NLRP2: variants seen among roughly 807,000 people sequenced by gnomAD.
NLRP2 encodes the protein NLR family pyrin domain containing 2, also known as NACHT, LRR and PYD domains-containing protein 2.
A neutral mutation model predicts 97.2 loss-of-function variants in NLRP2; 107 were observed. That is an observed-to-expected ratio of 1.10 (90% CI 0.94 to 1.29). The LOEUF is 1.29. Among genes scored for constraint, NLRP2 ranks in the 50% most tolerant of loss-of-function variants. The pLI, the probability that NLRP2 is intolerant of heterozygous loss-of-function variation, is 0.00. For missense variants in NLRP2, 1,495 were observed against 1,330.3 expected (o/e 1.12, Z -1.93); for synonymous variants, 663 against 551.5 (o/e 1.20, Z -2.83).
Position 54,982,363 on chromosome 19 carries a change from T to C in NLRP2, c.665T>C (p.Leu222Pro), listed in dbSNP as rs1407837559. The change falls in exon 6 of 13, where the codon CTG becomes CCG. Residue 222 changes from leucine to proline, a missense_variant. By Grantham distance (98) the Leu-to-Pro change is moderately conservative. Coordinates refer to ENST00000448584, the MANE Select transcript of NLRP2 (RefSeq NM_017852.5). ...CCTGCAGGCCTTGGGAAAACCACGCTGGCCCAGAAACTAATGCTAGACTGG... is the reference window on the plus strand; with the variant it reads ...CCTGCAGGCCTTGGGAAAACCACGCCGGCCCAGAAACTAATGCTAGACTGG... ...YGPAGLGKTT[L>P]AQKLMLDWAE... 6.2e-7 allele frequency: 1 copy of C among 1,614,130 alleles called. No individual in the cohort carries two copies. The highest frequency in any genetic ancestry group is 1.1e-5 in the South Asian group (1 of 91,074).
At chr19:54,993,739 C>CA (rs34890978) in intron 10 of NLRP2, 82,942 of 236,962 alleles carry the variant, frequency 0.35, 15,941 homozygotes, top group Middle Eastern at 0.42. Context: ...CACACACACA[C>CA]CCCCCTGTAA....
intron 3 of NLRP2, chr19:54,976,878 G>C (rs956430921): frequency 7.4e-6 from 3 of 407,714 alleles, no homozygotes; most frequent in Non-Finnish European, 1.4e-5. Context: ...GCAGTGGAGC[G>C]ATCTTGGCTC....
At chr19:54,997,718 G>A (rs768169554) in intron 12 of NLRP2, among the ~76,000 whole-genome samples, 10 of 151,748 alleles carry the variant, frequency 6.6e-5, no homozygotes, top group African/African-American at 9.7e-5. Flanking sequence ...GCCTCCCAAA[G>A]TGCTGGGATT....
chr19:54,984,485 CTTTTTTT>C lies in NLRP2; in HGVS notation c.2031-553_2031-547del, dbSNP rs36061621. On this transcript the variant is annotated intron_variant, in intron 6 of 12. Transcript: ENST00000448584. ...ATGTATAGATATGTATATTCCCAAT[CTTTTTTT>C]TTTTTTTTGAGACGGAGTTTCACTC... Among the ~76,000 whole-genome samples the C allele has an allele frequency of 1.0e-4, 8 of 76,914 alleles. 1 individual carries two copies. Among genetic ancestry groups the C allele is most frequent in the African/African-American group, 4.5e-4 (6 of 13,226 alleles). 50.5% of individuals were successfully genotyped at this position (76,914 alleles called of 152,430 possible). A position where few individuals can be genotyped will look rare whatever the true frequency, so the allele number is the denominator to read the frequency against.
At chr19:54,977,958 TG>T in intron 4 of NLRP2, 135 bp downstream of exon 4, 1 of 819,422 alleles carries the variant, frequency 1.2e-6, no homozygotes, top group Non-Finnish European at 2.0e-6. Flanking sequence ...CACTGTCTCC[TG>T]GAGAATGCCA....
chr19:54,988,230 C>T (rs1049983922), intron 8 of NLRP2, among the ~76,000 whole-genome samples: 3 of 152,096 alleles, frequency 2.0e-5, no homozygotes, highest in African/African-American at 7.2e-5. Context: ...TTCTTTTTGC[C>T]TGAGAATAAT....
At position 54,982,657 on chromosome 19, in the gene NLRP2, GT is replaced by G; in HGVS notation, c.962del (p.Leu321CysfsTer2). 6.2e-7 allele frequency: 1 copy of G among 1,614,180 alleles called. No homozygotes were observed. The highest frequency in any genetic ancestry group is 8.5e-7 in the Non-Finnish European group (1 of 1,180,036). ...KKKPVPVLLG[S>X]LLNRVMLPKA... ...AAGCCGGTGCCCGTCCTCCTGGGGA[GT>G]TTGCTGAACAGGGTGATGTTACCCA... On this transcript the variant is annotated frameshift_variant, in exon 6 of 13. Transcript: ENST00000448584. LOFTEE classifies it high-confidence loss of function.
intron 3 of NLRP2, among the ~76,000 whole-genome samples, chr19:54,976,177 C>T (rs1208863330): frequency 6.6e-6 from 1 of 152,044 alleles, no homozygotes; most frequent in Non-Finnish European, 1.5e-5. Context: ...GCCTCAGCCT[C>T]CCGAGTAGCT....
In NLRP2 at chr19:54,982,743, G is replaced by A. The variant is rs148817929; in HGVS notation, c.1045G>A (p.Glu349Lys). Residue 349 changes from glutamate (E) to lysine (K), a missense_variant, in exon 6 of 13, where the codon GAG (glutamate) becomes AAG (lysine). By Grantham distance (56) the Glu-to-Lys change is moderately conservative. Transcript: ENST00000448584. ...RALRDLRILA[E>K]EPIYIRVEGF... is the part of the protein sequence containing the mutation. Reference sequence around the variant, plus strand: ...CCTGAGGGACCTCCGGATCCTGGCGGAGGAGCCGATCTACATAAGGGTGGA... The same window carrying A: ...CCTGAGGGACCTCCGGATCCTGGCGAAGGAGCCGATCTACATAAGGGTGGA... The A allele has an allele frequency of 1.2e-6, 2 of 1,613,956 alleles. No homozygotes were observed. Among genetic ancestry groups the A allele is most frequent in the Non-Finnish European group, 1.7e-6 (2 of 1,180,004 alleles).
At chr19:54,970,813 TTTA>T (rs201783446) in intron 2 of NLRP2, among the ~76,000 whole-genome samples, 18,710 of 144,498 alleles carry the variant, frequency 0.13, 1,542 homozygotes, top group Non-Finnish European at 0.2. Flanking sequence ...TATTTTTTAT[TTTA>T]TTATTATTAT....
chr19:54,995,117 C>G (rs1266536224), intron 11 of NLRP2, among the ~76,000 whole-genome samples: 1 of 140,790 alleles, frequency 7.1e-6, no homozygotes, highest in African/African-American at 2.7e-5. Flanking sequence ...AGCTCAAGAC[C>G]AGCCTGGCCA....
intron 8 of NLRP2, chr19:54,986,523 T>A: frequency 1.7e-6 from 1 of 593,328 alleles, no homozygotes; most frequent in African/African-American, 1.9e-5. Context: ...GTGAGGACCC[T>A]GAATCCAAAG....
At chr19:54,997,864 G>A (rs1002385612) in intron 12 of NLRP2, among the ~76,000 whole-genome samples, 13 of 50,164 alleles carry the variant, frequency 2.6e-4, no homozygotes, top group Non-Finnish European at 3.5e-4. Flanking sequence ...CTGGGCTCAA[G>A]CAATCCTGCC....
At chr19:54,984,325 T>TTG (rs1568505185) in intron 6 of NLRP2, among the ~76,000 whole-genome samples, 20 of 102,746 alleles carry the variant, frequency 1.9e-4, no homozygotes, top group South Asian at 5.5e-4. Flanking sequence ...GGGTTTTTTT[T>TTG]TGTGTTTTTT....
chr19:54,984,294 A>G, intron 6 of NLRP2, among the ~76,000 whole-genome samples: 1 of 135,760 alleles, frequency 7.4e-6, no homozygotes, highest in Admixed American at 7.6e-5. Context: ...GTGCACCATC[A>G]TGTCCAGCTA....
intron 8 of NLRP2, among the ~76,000 whole-genome samples, chr19:54,987,278 C>T (rs2072160621): frequency 6.6e-6 from 1 of 152,174 alleles, no homozygotes. Flanking sequence ...CAGCTATTGA[C>T]ATTTTTCAAG....
chr19:55,000,889 C>T lies in NLRP2; in HGVS notation c.3180C>T (p.Phe1060=), dbSNP rs778692647. ...PWAERPSSHD[F]MI The stretch of plus-strand genomic sequence containing the variant: ...CAGAAAGGCCTTCTTCTCATGACTT[C>T]ATGATCTGAATCCCCCCGAGTCATT... Residue 1060 remains phenylalanine, a synonymous_variant, in exon 13 of 13, where the codon TTC becomes TTT. Transcript: ENST00000448584. The T allele has an allele frequency of 6.2e-7, 1 of 1,613,798 alleles. No individual in the cohort carries two copies. Among genetic ancestry groups the T allele is most frequent in the Non-Finnish European group, 8.5e-7 (1 of 1,179,724 alleles).
At position 54,992,036 on chromosome 19, in the gene NLRP2, C is replaced by T. The variant is rs1272419636; in HGVS notation, c.2708+1364C>T. Among the ~76,000 whole-genome samples the T allele has an allele frequency of 2.0e-5, 3 of 150,836 alleles. No individual in the cohort carries two copies. The East Asian group carries it at 6.0e-4, about 30-fold the overall frequency. ...AAGGAGGTTGATTCTCCTGCCTCAG[C>T]CTCCTGAGTAGCTGGGATTACAGGC... On this transcript the variant is annotated intron_variant, in intron 10 of 12. Coordinates refer to ENST00000448584, the MANE Select transcript of NLRP2 (RefSeq NM_017852.5).
intron 8 of NLRP2, among the ~76,000 whole-genome samples, chr19:54,987,224 T>C (rs1016122601): frequency 1.4e-5 from 2 of 147,204 alleles, no homozygotes; most frequent in Non-Finnish European, 3.0e-5. Flanking sequence ...TCAGAGATCA[T>C]TCACTCATGG....
Sources: allele counts gnomAD v4.1 joint callset (sites outside exome capture counted in the v4.1 genomes callset), GRCh38; gene constraint gnomAD v4.1.1; transcripts MANE v1.5; gene names NCBI Gene and HGNC (gene_info 2026-07-23, HGNC 2026-07-21).